Variants in ALDH5A1 observed in about 807,000 individuals in gnomAD.
The protein encoded by ALDH5A1 is aldehyde dehydrogenase 5 family member A1.
A neutral mutation model predicts 54.7 loss-of-function variants in ALDH5A1; 33 were observed. The observed-to-expected ratio is 0.60, with a 90% CI of 0.46 to 0.81. The LOEUF is 0.81. Ranked by LOEUF, ALDH5A1 falls within the 30% of genes least tolerant of loss-of-function variation. The probability of loss-of-function intolerance (pLI) is 0.00; values close to 1 mark genes in which losing one functional copy is unlikely to be tolerated. For synonymous variants in ALDH5A1, 294 were observed against 292.7 expected (o/e 1.00, Z -0.05); for missense variants, 657 against 711.0 (o/e 0.92, Z 0.86).
intron 1 of ALDH5A1, among the ~76,000 whole-genome samples, chr6:24,500,685 T>G (rs1764802233): frequency 8.1e-6 from 1 of 123,984 alleles, no homozygotes; most frequent in Non-Finnish European, 1.7e-5. Context: ...AATAATAACG[T>G]AGGGAACTAT....
chr6:24,530,310 T>C (rs1759909997), intron 8 of ALDH5A1, among the ~76,000 whole-genome samples: 1 of 152,188 alleles, frequency 6.6e-6, no homozygotes, highest in African/African-American at 2.4e-5. Flanking sequence ...CCATAACTGA[T>C]TCTTCCTGCT....
intron 1 of ALDH5A1, among the ~76,000 whole-genome samples, chr6:24,502,022 CAT>C (rs1290043907): frequency 6.6e-6 from 1 of 151,800 alleles, no homozygotes; most frequent in African/African-American, 2.4e-5. Flanking sequence ...AGGACTGGCT[CAT>C]GTGACTGTGG....
In ALDH5A1 at chr6:24,513,172, G is replaced by C. The variant is rs1759493943; in HGVS notation, c.727-1995G>C. On this transcript the variant is annotated intron_variant, in intron 4 of 9. Transcript: ENST00000357578. Reference sequence around the variant, plus strand: ...CCTCCCAGGCTCAAGCGTTTCTCCTGCCTCAGCCTCCCAAGTAGCTGGGAC... The same window carrying C: ...CCTCCCAGGCTCAAGCGTTTCTCCTCCCTCAGCCTCCCAAGTAGCTGGGAC... Among the ~76,000 whole-genome samples the C allele has an allele frequency of 2.0e-5, 3 of 151,838 alleles. No individual in the cohort carries two copies. In the South Asian group the frequency reaches 6.3e-4, roughly 32 times the overall value.
Position 24,534,342 on chromosome 6 carries a change from T to C in ALDH5A1, c.*630T>C, listed in dbSNP as rs1335983473. The C allele has an allele frequency of 1.3e-5, 2 of 152,860 alleles. No homozygotes were observed. The highest frequency in any genetic ancestry group is 2.9e-5 in the Non-Finnish European group (2 of 68,494). The allele number at this position is 152,860 out of a possible 1,614,324, so 9.5% of individuals were successfully genotyped here. A position where few individuals can be genotyped will look rare whatever the true frequency, so the allele number is the denominator to read the frequency against. On this transcript the variant is annotated 3_prime_UTR_variant, in exon 10 of 10. Coordinates refer to ENST00000357578, the MANE Select transcript of ALDH5A1 (RefSeq NM_001080.3). The stretch of plus-strand genomic sequence containing the variant: ...AACCATATTTTAATTGATGCCTTTA[T>C]TGTCCCAAATTTACCACTTAAAGAA...
At chr6:24,531,954 A>T in intron 8 of ALDH5A1, 165 bp from the exon 9 acceptor site, 1 of 698,970 alleles carries the variant, frequency 1.4e-6, no homozygotes, top group South Asian at 1.6e-5. Context: ...TCGCTGAGTT[A>T]TATCGGGGAA....
chr6:24,507,143 G>A (rs536017961), intron 4 of ALDH5A1, among the ~76,000 whole-genome samples: 1 of 152,280 alleles, frequency 6.6e-6, no homozygotes, highest in South Asian at 2.1e-4. Context: ...ACAAGCAGTT[G>A]TATGTTTATG....
At chr6:24,526,003 G>A (rs191972672) in intron 7 of ALDH5A1, among the ~76,000 whole-genome samples, 106 of 152,152 alleles carry the variant, frequency 7.0e-4, no homozygotes, top group African/African-American at 2.4e-3. Context: ...CTTCAAGAGC[G>A]AGGCTAGGTA....
At chr6:24,527,965 G>T in intron 7 of ALDH5A1, 32 bp from the exon 8 acceptor site, 1 of 1,612,206 alleles carries the variant, frequency 6.2e-7, no homozygotes, top group Non-Finnish European at 8.5e-7. Flanking sequence ...ATTGTATCAT[G>T]TGGAAAGCTT....
chr6:24,517,388 A>C (rs1177121127), intron 5 of ALDH5A1, among the ~76,000 whole-genome samples: 2 of 152,210 alleles, frequency 1.3e-5, no homozygotes, highest in Non-Finnish European at 2.9e-5. Flanking sequence ...GTGCTGTGGA[A>C]TCCTACCATT....
chr6:24,526,314 A>G (rs1561878159), intron 7 of ALDH5A1, among the ~76,000 whole-genome samples: 1 of 152,176 alleles, frequency 6.6e-6, no homozygotes, highest in Non-Finnish European at 1.5e-5. Context: ...GAACAAACAG[A>G]ATAGTCCCTG....
intron 4 of ALDH5A1, among the ~76,000 whole-genome samples, chr6:24,510,425 G>A (rs1053568214): frequency 2.6e-5 from 4 of 151,988 alleles, no homozygotes; most frequent in Non-Finnish European, 5.9e-5. Flanking sequence ...TTATTATTGT[G>A]TTGCTGTCTA....
At chr6:24,506,415 G>A (rs1001256315) in intron 4 of ALDH5A1, among the ~76,000 whole-genome samples, 3 of 151,510 alleles carry the variant, frequency 2.0e-5, no homozygotes, top group Admixed American at 2.0e-4. Flanking sequence ...ACCACACCCA[G>A]CTAATTTTTG....
At chr6:24,502,664 A>G (rs564883266) in intron 2 of ALDH5A1, 58 bp downstream of exon 2, 2 of 1,383,794 alleles carry the variant, frequency 1.4e-6, no homozygotes, top group Non-Finnish European at 2.0e-6. Flanking sequence ...TTTTACACTA[A>G]ACTTGGGAAA....
At chr6:24,529,535 T>A (rs928929353) in intron 8 of ALDH5A1, among the ~76,000 whole-genome samples, 1 of 152,092 alleles carries the variant, frequency 6.6e-6, no homozygotes, top group African/African-American at 2.4e-5. Context: ...AGAAATCTAT[T>A]TTTTCTCTTT....
intron 4 of ALDH5A1, chr6:24,511,851 G>A: frequency 1.7e-6 from 1 of 574,696 alleles, no homozygotes; most frequent in South Asian, 2.5e-5. Context: ...ATTTCTTCTT[G>A]ATTTGGATCC....
At chr6:24,533,040 A>C (rs1402840278) in intron 9 of ALDH5A1, among the ~76,000 whole-genome samples, 29 of 152,180 alleles carry the variant, frequency 1.9e-4, no homozygotes, top group Admixed American at 1.9e-3. Flanking sequence ...GTTGAGAAGC[A>C]AAGTAAGAAA....
chr6:24,516,605 G>A (rs897287685), intron 5 of ALDH5A1, among the ~76,000 whole-genome samples: 4 of 151,812 alleles, frequency 2.6e-5, no homozygotes, highest in African/African-American at 9.7e-5. Context: ...ATATGTATCT[G>A]TACTCACATT....
intron 5 of ALDH5A1, among the ~76,000 whole-genome samples, chr6:24,517,944 G>T (rs181825686): frequency 6.6e-6 from 1 of 152,228 alleles, no homozygotes; most frequent in Non-Finnish European, 1.5e-5. Flanking sequence ...CCCGCTGAGA[G>T]GACAGCAGCC....
At chr6:24,499,111 A>AG (rs1259816391) in intron 1 of ALDH5A1, among the ~76,000 whole-genome samples, 7 of 151,462 alleles carry the variant, frequency 4.6e-5, no homozygotes, top group African/African-American at 1.7e-4. Context: ...CAAAAAAAAA[A>AG]AAAAAAAAGA....
Sources: allele counts gnomAD v4.1 joint callset (sites outside exome capture counted in the v4.1 genomes callset), GRCh38; gene constraint gnomAD v4.1.1; transcripts MANE v1.5; gene names NCBI Gene and HGNC (gene_info 2026-07-23, HGNC 2026-07-21).